Variants in GALK2 observed in about 807,000 individuals in gnomAD.
The protein encoded by GALK2 is galactokinase 2.
In GALK2, 36 loss-of-function variants were observed where a neutral mutation model predicts 52.4. The observed-to-expected ratio is 0.69, with a 90% CI of 0.53 to 0.91. The LOEUF is 0.91. Among genes scored for constraint, GALK2 ranks in the 40% least tolerant of loss-of-function variants. The pLI, the probability that GALK2 is intolerant of heterozygous loss-of-function variation, is 0.00. For synonymous variants in GALK2, 176 were observed against 199.1 expected, an observed-to-expected ratio of 0.88 and a Z score of 0.98; for missense variants, 579 against 559.1, an observed-to-expected ratio of 1.04 and a Z score of -0.36.
intron 3 of GALK2, among the ~76,000 whole-genome samples, chr15:49,230,082 C>T (rs2090416791): frequency 6.6e-6 from 1 of 152,136 alleles, no homozygotes; most frequent in African/African-American, 2.4e-5. Flanking sequence ...CTCGTGGTGT[C>T]TGTGGGTAGG....
intron 3 of GALK2, among the ~76,000 whole-genome samples, chr15:49,349,849 C>T (rs199777998): frequency 7.3e-5 from 11 of 151,176 alleles, no homozygotes; most frequent in Middle Eastern, 3.2e-3. Context: ...TAAGCAAAAA[C>T]GATAAAAAAC....
intron 3 of GALK2, among the ~76,000 whole-genome samples, chr15:49,347,429 T>G (rs1408579834): frequency 6.6e-6 from 1 of 152,172 alleles, no homozygotes; most frequent in Non-Finnish European, 1.5e-5. Context: ...TACTATAGCA[T>G]TCTATGTATA....
chr15:49,192,489 A>ATATATGTG (rs1285630529), intron 1 of GALK2, among the ~76,000 whole-genome samples: 338 of 23,814 alleles, frequency 0.014, 1 homozygote, highest in East Asian at 0.11. Flanking sequence ...ATATATGTAT[A>ATATATGTG]TATATATATA....
intron 5 of GALK2, among the ~76,000 whole-genome samples, chr15:49,275,295 C>T (rs1330016121): frequency 6.6e-6 from 1 of 152,176 alleles, no homozygotes; most frequent in Non-Finnish European, 1.5e-5. Flanking sequence ...CCTTCTGGGG[C>T]AGATAGCAGG....
At chr15:49,226,595 A>G (rs561253546) in intron 3 of GALK2, 6 of 150,274 alleles carry the variant, frequency 4.0e-5, no homozygotes, top group African/African-American at 1.5e-4. Context: ...TTCTATTCTG[A>G]TCTTCATTAT....
At chr15:49,362,501 A>G (rs1225465603) in intron 3 of GALK2, among the ~76,000 whole-genome samples, 1 of 150,144 alleles carries the variant, frequency 6.7e-6, no homozygotes, top group African/African-American at 2.4e-5. Context: ...CGACTAATAC[A>G]CTTATAGATT....
intron 3 of GALK2, among the ~76,000 whole-genome samples, chr15:49,340,057 T>C (rs1469731938): frequency 6.6e-6 from 1 of 152,086 alleles, no homozygotes; most frequent in African/African-American, 2.4e-5. Context: ...CTGGGCTCAG[T>C]GGGGGTGGGA....
intron 3 of GALK2, among the ~76,000 whole-genome samples, chr15:49,360,602 C>G (rs1363366433): frequency 6.6e-6 from 1 of 152,030 alleles, no homozygotes; most frequent in Non-Finnish European, 1.5e-5. Context: ...ATTAGCAGCT[C>G]TAAATACATT....
intron 1 of GALK2, among the ~76,000 whole-genome samples, chr15:49,174,003 T>C (rs982589587): frequency 6.6e-6 from 1 of 152,106 alleles, no homozygotes; most frequent in African/African-American, 2.4e-5. Context: ...TTGGTCTCCC[T>C]GGGATTACAG....
chr15:49,249,502 A>G (rs955751044), intron 5 of GALK2, among the ~76,000 whole-genome samples: 6 of 152,320 alleles, frequency 3.9e-5, no homozygotes, highest in African/African-American at 1.4e-4. Flanking sequence ...TCCTGATAGG[A>G]GATTTTGATG....
At chr15:49,242,959 A>G (rs912168536) in intron 5 of GALK2, among the ~76,000 whole-genome samples, 1 of 152,232 alleles carries the variant, frequency 6.6e-6, no homozygotes, top group Non-Finnish European at 1.5e-5. Context: ...ATAAATAACC[A>G]TAAACCACAA....
intron 2 of GALK2, 40 bp downstream of exon 2, chr15:49,201,290 C>A: frequency 9.1e-7 from 1 of 1,101,562 alleles, no homozygotes; most frequent in Non-Finnish European, 1.4e-6. Context: ...TTTCTTCATC[C>A]TTTGATAAGA....
At chr15:49,284,663 T>A (rs1431548219) in intron 7 of GALK2, among the ~76,000 whole-genome samples, 1 of 152,218 alleles carries the variant, frequency 6.6e-6, no homozygotes, top group African/African-American at 2.4e-5. Context: ...ATTTTCTCAG[T>A]AGTAATAATT....
chr15:49,197,533 T>C (rs1361189004), intron 1 of GALK2, among the ~76,000 whole-genome samples: 3 of 152,188 alleles, frequency 2.0e-5, no homozygotes, highest in African/African-American at 7.2e-5. Flanking sequence ...ACATGAAATT[T>C]ATTTGTTTCA....
At position 49,235,857 on chromosome 15, in the gene GALK2, C is replaced by T. The variant is rs1028765283; in HGVS notation, c.273C>T (p.Phe91=). The change falls in exon 4 of 10, where the codon TTC becomes TTT. Residue 91 remains phenylalanine, a synonymous_variant. Coordinates refer to ENST00000560031, the MANE Select transcript of GALK2 (RefSeq NM_002044.4). ...LANTNPLYPD[F]STSANNIQID... is the part of the protein sequence containing the mutation. ...GTGTCTTTTGTCTTCGCAGGGACTTCAGTACTAGTGCTAATAACATCCAGA... is the reference window on the plus strand; with the variant it reads ...GTGTCTTTTGTCTTCGCAGGGACTTTAGTACTAGTGCTAATAACATCCAGA... The T allele has an allele frequency of 1.2e-5, 19 of 1,609,410 alleles. No homozygotes were observed. The highest frequency in any genetic ancestry group is 2.2e-5 in the East Asian group (1 of 44,868).
Position 49,319,474 on chromosome 15 carries a change from AG to A in GALK2, c.968-129del. The A allele has an allele frequency of 8.6e-6, 6 of 693,712 alleles. No homozygotes were observed. In the South Asian group the frequency reaches 9.7e-5, roughly 11 times the overall value. The allele number at this position is 693,712 out of a possible 1,614,324, so 43.0% of individuals were successfully genotyped here. The stretch of plus-strand genomic sequence containing the variant: ...CAATTGAAAGAATCCTTTCAGCAAG[AG>A]AGACCTATTGAAGTTTAAGATACTG... On this transcript the variant is annotated intron_variant, in intron 8 of 9. Coordinates refer to ENST00000560031, the MANE Select transcript of GALK2 (RefSeq NM_002044.4).
chr15:49,186,541 T>TC (rs1455779823), intron 1 of GALK2, among the ~76,000 whole-genome samples: 2 of 144,810 alleles, frequency 1.4e-5, no homozygotes, highest in African/African-American at 5.5e-5. Context: ...TGAATTTTTT[T>TC]CTTTTTTTTT....
chr15:49,258,794 ATGTGTGTGTGTG>A (rs35306007), intron 5 of GALK2, among the ~76,000 whole-genome samples: 7 of 103,734 alleles, frequency 6.7e-5, no homozygotes, highest in African/African-American at 1.4e-4. Context: ...ATATATATAT[ATGTGTGTGTGTG>A]TGTGTGTGTG....
chr15:49,365,714 A>G, intron 3 of GALK2: 1 of 900,758 alleles, frequency 1.1e-6, no homozygotes, highest in Non-Finnish European at 1.9e-6. Flanking sequence ...TTCAGACAGA[A>G]AGCAATCTCC....
Sources: gnomAD v4.1 joint callset for allele counts (sites outside exome capture counted in the v4.1 genomes callset) on GRCh38, gnomAD v4.1.1 for gene constraint, MANE v1.5 for transcripts, NCBI Gene and HGNC (gene_info 2026-07-23, HGNC 2026-07-21) for gene names.